PLA2G4E: variants seen among roughly 807,000 people sequenced by gnomAD.
The protein encoded by PLA2G4E is cytosolic phospholipase A2 epsilon.
PLA2G4E carries 84 observed loss-of-function variants against 109.1 expected under a neutral mutation model. The ratio of observed to expected loss-of-function variants is 0.77; its 90% CI spans 0.65 to 0.92. PLA2G4E has a LOEUF of 0.92. Ranked by LOEUF, PLA2G4E falls within the 40% of genes least tolerant of loss-of-function variation. PLA2G4E has a pLI of 0.00. For synonymous variants in PLA2G4E, 469 were observed against 436.1 expected (o/e 1.08, Z -0.94); for missense variants, 1,057 against 1,076.6 (o/e 0.98, Z 0.25).
Position 42,043,371 on chromosome 15 carries a change from G to A in PLA2G4E, c.183+7150C>T, listed in dbSNP as rs572512547. Among the ~76,000 whole-genome samples, 6 of 151,932 alleles carry A rather than the reference G, an allele frequency of 3.9e-5. No individual in the cohort carries two copies. In the South Asian group the frequency reaches 1.2e-3, roughly 32 times the overall value. ...GTGAGGGAAATATGTGAGGAAGGTG[G>A]GCCTGTGGGCACCCGTAGGTCAGGA... On this transcript the variant is annotated intron_variant, in intron 1 of 19. Transcript: ENST00000399518.
At chr15:41,986,038 C>T (rs774091272) in intron 17 of PLA2G4E, 33 bp from the exon 18 acceptor site, 1 of 1,560,564 alleles carries the variant, frequency 6.4e-7, no homozygotes, top group Non-Finnish European at 8.7e-7. Context: ...ACCAACACAC[C>T]TGGTGCCCTG....
At chr15:42,033,720 G>A (rs1479304669) in intron 1 of PLA2G4E, among the ~76,000 whole-genome samples, 1 of 152,182 alleles carries the variant, frequency 6.6e-6, no homozygotes, top group Non-Finnish European at 1.5e-5. Flanking sequence ...TCTGTGAGGA[G>A]CAGGAGAGGG....
intron 14 of PLA2G4E, 80 bp downstream of exon 14, chr15:41,990,041 C>T (rs2068216137): frequency 9.6e-7 from 1 of 1,044,796 alleles, no homozygotes; most frequent in Non-Finnish European, 1.5e-6. Context: ...GATTGGGGGA[C>T]CTGGAGGTGC....
chr15:42,036,208 G>T (rs1008350918), intron 1 of PLA2G4E, among the ~76,000 whole-genome samples: 2 of 152,294 alleles, frequency 1.3e-5, no homozygotes, highest in South Asian at 4.1e-4. Flanking sequence ...GGAGGAGGCC[G>T]ACAGCCTCCT....
At chr15:41,985,700 T>C (rs893046471) in intron 18 of PLA2G4E, 139 bp downstream of exon 18, 3 of 1,105,434 alleles carry the variant, frequency 2.7e-6, no homozygotes, top group African/African-American at 3.1e-5. Context: ...TCATGACTGC[T>C]GCTTGGCTTC....
intron 1 of PLA2G4E, among the ~76,000 whole-genome samples, chr15:42,030,617 A>C (rs536261468): frequency 3.0e-4 from 46 of 152,334 alleles, no homozygotes; most frequent in African/African-American, 1.1e-3. Context: ...GGCAGCCTTC[A>C]TTCATTTCTT....
intron 14 of PLA2G4E, 68 bp downstream of exon 14, chr15:41,990,053 G>A (rs1269271262): frequency 8.2e-7 from 1 of 1,213,222 alleles, no homozygotes; most frequent in Non-Finnish European, 1.2e-6. Context: ...TGGAGGTGCT[G>A]GGTGCTTTTG....
chr15:41,995,832 T>G (rs2141035466), intron 11 of PLA2G4E, among the ~76,000 whole-genome samples: 1 of 152,300 alleles, frequency 6.6e-6, no homozygotes, highest in Non-Finnish European at 1.5e-5. Flanking sequence ...CCGAGGGTGG[T>G]GGGCAGCTTG....
intron 1 of PLA2G4E, among the ~76,000 whole-genome samples, chr15:42,018,256 GC>G (rs2068615198): frequency 1.3e-5 from 2 of 152,230 alleles, no homozygotes; most frequent in Non-Finnish European, 2.9e-5. Flanking sequence ...ATCGAGCAAA[GC>G]ACCGTGTCTC....
At position 42,044,601 on chromosome 15, in the gene PLA2G4E, A is replaced by T. The variant is rs1889378293; in HGVS notation, c.183+5920T>A. ...CTGAACAATGAGAACACTTGGACAC[A>T]GGGTGGGGAACATCACACACTGGGG... is the stretch of plus-strand genomic sequence containing the variant. On this transcript the variant is annotated intron_variant, in intron 1 of 19. Coordinates refer to ENST00000399518, the Ensembl canonical transcript of PLA2G4E. Among the ~76,000 whole-genome samples, 3 of 114,078 alleles carry T rather than the reference A, an allele frequency of 2.6e-5. No individual in the cohort carries two copies. The South Asian group carries it at 9.2e-4, about 35-fold the overall frequency. The allele number at this position is 114,078 out of a possible 152,430, so 74.8% of individuals were successfully genotyped here.
At chr15:42,031,671 A>G (rs916432238) in intron 1 of PLA2G4E, among the ~76,000 whole-genome samples, 3 of 152,036 alleles carry the variant, frequency 2.0e-5, no homozygotes, top group Non-Finnish European at 4.4e-5. Flanking sequence ...CTGACCAAGC[A>G]CCCACAACTA....
At chr15:41,993,881 A>C (rs934034266) in intron 12 of PLA2G4E, among the ~76,000 whole-genome samples, 4 of 152,228 alleles carry the variant, frequency 2.6e-5, no homozygotes, top group African/African-American at 9.6e-5. Context: ...AAGCCATTGC[A>C]AATGAGTTTT....
chr15:42,010,303 G>A (rs758372556), intron 2 of PLA2G4E: 8 of 357,514 alleles, frequency 2.2e-5, no homozygotes, highest in South Asian at 1.1e-4. Flanking sequence ...CCTGTCATTC[G>A]TCCATGCCTA....
rs1200505076 is a variant in PLA2G4E, at chr15:42,000,823, C to T, written c.673+334G>A. ...GGGGCATAGTTAGAGGGGTCCTGGG[C>T]TTCGGGTGCTGACCACCTCACTGAC... On this transcript the variant is annotated intron_variant, in intron 7 of 19. Coordinates refer to ENST00000399518, the Ensembl canonical transcript of PLA2G4E. 2.0e-5 allele frequency among the ~76,000 whole-genome samples: 3 copies of T among 152,268 alleles called. No homozygotes were observed. In the East Asian group the frequency reaches 5.8e-4, roughly 29 times the overall value.
intron 12 of PLA2G4E, among the ~76,000 whole-genome samples, chr15:41,994,311 T>G (rs1003004793): frequency 6.5e-4 from 85 of 131,308 alleles, no homozygotes; most frequent in African/African-American, 2.1e-3. Context: ...CCCGGGGGGG[T>G]GTGTGGCACA....
At chr15:42,030,224 G>C (rs1277170869) in intron 1 of PLA2G4E, among the ~76,000 whole-genome samples, 1 of 152,204 alleles carries the variant, frequency 6.6e-6, no homozygotes, top group African/African-American at 2.4e-5. Context: ...ACTCATGGCA[G>C]GTTTTTGAGC....
At chr15:42,001,204 C>A in exon 7 of PLA2G4E, 3 of 1,613,638 alleles carry the variant, frequency 1.9e-6, no homozygotes, top group Non-Finnish European at 2.5e-6. Flanking sequence ...AACCTCCAGG[C>A]AGGAGACTTG....
At chr15:42,041,890 CAG>C (rs1190314220) in intron 1 of PLA2G4E, among the ~76,000 whole-genome samples, 1 of 152,136 alleles carries the variant, frequency 6.6e-6, no homozygotes. Context: ...GGCAAATCAG[CAG>C]AGAGGCTTTT....
intron 1 of PLA2G4E, among the ~76,000 whole-genome samples, chr15:42,046,083 C>T (rs886552072): frequency 6.6e-6 from 1 of 152,156 alleles, no homozygotes; most frequent in Admixed American, 6.5e-5. Flanking sequence ...ACCCAGAATC[C>T]ATCCACTCCT....
Sources: gnomAD v4.1 joint callset for allele counts (sites outside exome capture counted in the v4.1 genomes callset) on GRCh38, gnomAD v4.1.1 for gene constraint, MANE v1.5 for transcripts, NCBI Gene and HGNC (gene_info 2026-07-23, HGNC 2026-07-21) for gene names.